MBD2: variants seen among roughly 807,000 people sequenced by gnomAD.
The protein encoded by MBD2 is methyl-CpG binding domain protein 2.
Under a neutral mutation model 39.3 loss-of-function variants are expected in MBD2, and 9 were observed. That is an observed-to-expected ratio of 0.23 (90% CI 0.14 to 0.40). The LOEUF is 0.40. Ranked by LOEUF, MBD2 falls within the 10% of genes least tolerant of loss-of-function variation. MBD2 has a pLI of 1.00. For missense variants in MBD2, 458 were observed against 532.6 expected, an observed-to-expected ratio of 0.86 and a Z score of 1.38; for synonymous variants, 233 against 211.1, an observed-to-expected ratio of 1.10 and a Z score of -0.90.
At chr18:54,203,834 C>T (rs958387782) in intron 2 of MBD2, among the ~76,000 whole-genome samples, 3 of 152,096 alleles carry the variant, frequency 2.0e-5, no homozygotes, top group East Asian at 1.9e-4. Flanking sequence ...GCTTAGGGAA[C>T]GAGCAGTGTG....
chr18:54,221,182 G>A (rs1160211446), intron 1 of MBD2, among the ~76,000 whole-genome samples: 5 of 152,188 alleles, frequency 3.3e-5, no homozygotes. Flanking sequence ...TCGGGGCCGG[G>A]CGCGATGGCT....
intron 3 of MBD2, 105 bp downstream of exon 3, chr18:54,188,768 CT>C: frequency 8.2e-7 from 1 of 1,213,128 alleles, no homozygotes; most frequent in Non-Finnish European, 1.1e-6. Flanking sequence ...AAATAATTTT[CT>C]TTCCAAATAT....
intron 2 of MBD2, among the ~76,000 whole-genome samples, chr18:54,192,818 C>T (rs1352688463): frequency 2.3e-5 from 1 of 43,336 alleles, no homozygotes; most frequent in Non-Finnish European, 3.7e-5. Flanking sequence ...TGTTTCTGTG[C>T]AATAAAAAAA....
intron 3 of MBD2, among the ~76,000 whole-genome samples, chr18:54,170,384 A>T (rs2086171568): frequency 6.6e-6 from 1 of 152,238 alleles, no homozygotes; most frequent in African/African-American, 2.4e-5. Context: ...TATGAAGAAT[A>T]TCTAAAGAGG....
chr18:54,165,245 C>A (rs2086123055), intron 4 of MBD2, among the ~76,000 whole-genome samples: 1 of 152,174 alleles, frequency 6.6e-6, no homozygotes, highest in Admixed American at 6.5e-5. Flanking sequence ...GTATCTGTGG[C>A]TTTAACAGCT....
At chr18:54,166,028 T>C (rs981315723) in intron 4 of MBD2, 48 bp downstream of exon 4, 2 of 1,269,710 alleles carry the variant, frequency 1.6e-6, no homozygotes, top group African/African-American at 3.0e-5. Flanking sequence ...GTGCCTGGCA[T>C]GCAGTAGGTA....
intron 2 of MBD2, among the ~76,000 whole-genome samples, chr18:54,201,820 A>G (rs140095340): frequency 0.032 from 4,747 of 149,928 alleles, 249 homozygotes; most frequent in African/African-American, 0.11. Context: ...CTGAGATGGC[A>G]CCACTGCACT....
At position 54,218,761 on chromosome 18, in the gene MBD2, G is replaced by A. The variant is rs1318686887; in HGVS notation, c.542+5257C>T. Reference sequence around the variant, plus strand: ...GTGGATCTCAAGGTCAGGAGTTCAAGACCAGCCTGACCAACATGGTGAAAC... The same window carrying A: ...GTGGATCTCAAGGTCAGGAGTTCAAAACCAGCCTGACCAACATGGTGAAAC... On this transcript the variant is annotated intron_variant, in intron 1 of 6. Transcript: ENST00000256429. 5.3e-5 allele frequency among the ~76,000 whole-genome samples: 8 copies of A among 152,284 alleles called. No homozygotes were observed. In the East Asian group the frequency reaches 1.5e-3, roughly 29 times the overall value.
At chr18:54,201,632 G>T (rs2086408429) in intron 2 of MBD2, among the ~76,000 whole-genome samples, 1 of 152,112 alleles carries the variant, frequency 6.6e-6, no homozygotes. Flanking sequence ...GGAGGCCGAG[G>T]AGGGCAGATC....
intron 2 of MBD2, among the ~76,000 whole-genome samples, chr18:54,197,745 TATC>T (rs2086377365): frequency 6.6e-6 from 1 of 152,056 alleles, no homozygotes; most frequent in African/African-American, 2.4e-5. Flanking sequence ...AGATCATCAT[TATC>T]ATCATCAAAA....
intron 2 of MBD2, among the ~76,000 whole-genome samples, chr18:54,196,382 G>GA (rs1454027364): frequency 6.6e-6 from 1 of 152,094 alleles, no homozygotes; most frequent in African/African-American, 2.4e-5. Flanking sequence ...AGTTCTGCTT[G>GA]AAAAATAACT....
At chr18:54,190,769 A>C (rs2086314957) in intron 2 of MBD2, among the ~76,000 whole-genome samples, 1 of 152,192 alleles carries the variant, frequency 6.6e-6, no homozygotes, top group Admixed American at 6.5e-5. Flanking sequence ...ACATTAAGTG[A>C]GGACTTACTG....
At chr18:54,198,639 C>T (rs1231394706) in intron 2 of MBD2, among the ~76,000 whole-genome samples, 2 of 152,204 alleles carry the variant, frequency 1.3e-5, no homozygotes, top group African/African-American at 4.8e-5. Flanking sequence ...CACCTGAGCC[C>T]AGGTCAAGGC....
chr18:54,177,972 T>C (rs1022989989), intron 3 of MBD2, among the ~76,000 whole-genome samples: 3 of 151,648 alleles, frequency 2.0e-5, no homozygotes, highest in Admixed American at 2.0e-4. Context: ...CCCGAGTAAC[T>C]GGAACTACAG....
rs1599119079 is a variant in MBD2 at position 54,224,591 on chromosome 18, T to C, written c.-32A>G. On this transcript the variant is annotated 5_prime_UTR_variant, in exon 1 of 7. Coordinates refer to ENST00000256429, the MANE Select transcript of MBD2 (RefSeq NM_003927.5). ...CCCTCCCCAGCCGGCGCTGCGCTTCTTCCGTAACCGAGCCCTTGGAATCCC... is the reference window on the plus strand; with the variant it reads ...CCCTCCCCAGCCGGCGCTGCGCTTCCTCCGTAACCGAGCCCTTGGAATCCC... 2 of 1,217,062 alleles carry C rather than the reference T, an allele frequency of 1.6e-6. No individual in the cohort carries two copies. Among genetic ancestry groups the C allele is most frequent in the Non-Finnish European group, 2.0e-6 (2 of 976,044 alleles). 75.4% of individuals were successfully genotyped at this position (1,217,062 alleles called of 1,614,324 possible). A position where few individuals can be genotyped will look rare whatever the true frequency, so the allele number is the denominator to read the frequency against.
At chr18:54,156,433 A>G (rs2055124929) in intron 6 of MBD2, among the ~76,000 whole-genome samples, 2 of 152,226 alleles carry the variant, frequency 1.3e-5, no homozygotes, top group African/African-American at 4.8e-5. Flanking sequence ...TATTATCCAC[A>G]TTTGTGCAAG....
intron 2 of MBD2, among the ~76,000 whole-genome samples, chr18:54,204,301 A>C (rs2086431933): frequency 6.6e-6 from 1 of 152,218 alleles, no homozygotes; most frequent in Non-Finnish European, 1.5e-5. Flanking sequence ...CCCAGGGAAA[A>C]AGCAGCTTTC....
chr18:54,158,825 A>G (rs1358838803), intron 6 of MBD2, among the ~76,000 whole-genome samples: 1 of 152,120 alleles, frequency 6.6e-6, no homozygotes, highest in East Asian at 1.9e-4. Context: ...ACAAGGTTTC[A>G]CCATGTTGGC....
chr18:54,211,245 C>T (rs2086503690), intron 1 of MBD2, among the ~76,000 whole-genome samples: 1 of 152,044 alleles, frequency 6.6e-6, no homozygotes, highest in Non-Finnish European at 1.5e-5. Flanking sequence ...TTCAACGAAA[C>T]ATTTCCCTAA....
Sources: allele counts gnomAD v4.1 joint callset (sites outside exome capture counted in the v4.1 genomes callset), GRCh38; gene constraint gnomAD v4.1.1; transcripts MANE v1.5; gene names NCBI Gene and HGNC (gene_info 2026-07-23, HGNC 2026-07-21).